INSC: variants seen among roughly 807,000 people sequenced by gnomAD.
INSC encodes INSC spindle orientation adaptor protein, also known as protein inscuteable homolog.
INSC carries 67 observed loss-of-function variants against 58.6 expected under a neutral mutation model. That is an observed-to-expected ratio of 1.14 (90% CI 0.94 to 1.40). The LOEUF (loss-of-function observed/expected upper bound fraction) is 1.40, where lower values mean the gene tolerates loss of function less well. INSC is among the 40% of genes most tolerant of loss of function. INSC has a pLI of 0.00. For synonymous variants in INSC, 262 were observed against 276.1 expected (o/e 0.95, Z 0.51); for missense variants, 714 against 692.0 (o/e 1.03, Z -0.36).
At chr11:15,151,676 G>A (rs1848655531) in intron 2 of INSC, among the ~76,000 whole-genome samples, 1 of 152,038 alleles carries the variant, frequency 6.6e-6, no homozygotes, top group Non-Finnish European at 1.5e-5. Context: ...CAGCATGTCG[G>A]GCCCAGGCTT....
intron 7 of INSC, among the ~76,000 whole-genome samples, chr11:15,204,942 A>G (rs1159517493): frequency 1.3e-5 from 2 of 152,184 alleles, no homozygotes; most frequent in African/African-American, 2.4e-5. Flanking sequence ...TAGACAGGTC[A>G]CTGCATCCAT....
At chr11:15,147,709 A>C (rs1376098289) in intron 1 of INSC, among the ~76,000 whole-genome samples, 1 of 152,212 alleles carries the variant, frequency 6.6e-6, no homozygotes, top group Non-Finnish European at 1.5e-5. Context: ...TAAGCTCCAC[A>C]GACCAAGAAA....
At chr11:15,248,548 C>T (rs75886065), downstream of INSC, among the ~76,000 whole-genome samples, 1,125 of 152,156 alleles carry the variant, frequency 7.4e-3, 10 homozygotes, top group African/African-American at 0.026. Flanking sequence ...AAACTGAGGC[C>T]GGTGTTGAGG....
At chr11:15,165,970 C>G (rs934816731) in intron 2 of INSC, among the ~76,000 whole-genome samples, 11 of 152,066 alleles carry the variant, frequency 7.2e-5, no homozygotes, top group African/African-American at 2.7e-4. Flanking sequence ...TGAAGTTGGG[C>G]TATCTTTCTT....
chr11:15,191,594 T>C (rs181794195), intron 6 of INSC, among the ~76,000 whole-genome samples: 88 of 152,298 alleles, frequency 5.8e-4, no homozygotes, highest in Non-Finnish European at 1.0e-3. Flanking sequence ...AAAGAAAAGT[T>C]TTTATTTTTT....
At chr11:15,140,597 T>G (rs1848347282) in intron 1 of INSC, among the ~76,000 whole-genome samples, 1 of 151,690 alleles carries the variant, frequency 6.6e-6, no homozygotes, top group Non-Finnish European at 1.5e-5. Flanking sequence ...TTTTTTTTTT[T>G]TCTTTTAGAG....
At chr11:15,117,342 C>G (rs917483962) in intron 1 of INSC, among the ~76,000 whole-genome samples, 5 of 152,086 alleles carry the variant, frequency 3.3e-5, no homozygotes, top group African/African-American at 9.7e-5. Flanking sequence ...TGGGTTCAAC[C>G]ATTTTTTGAG....
At chr11:15,234,352 TAA>T (rs1852039666) in intron 9 of INSC, among the ~76,000 whole-genome samples, 1 of 152,376 alleles carries the variant, frequency 6.6e-6, no homozygotes, top group East Asian at 1.9e-4. Context: ...ATTAATATGG[TAA>T]AGTTTTTCCT....
intron 1 of INSC, among the ~76,000 whole-genome samples, chr11:15,118,379 T>C (rs1847787120): frequency 1.3e-5 from 2 of 152,186 alleles, no homozygotes; most frequent in African/African-American, 4.8e-5. Context: ...AGACCACTCA[T>C]GTTTGGAAAG....
intron 2 of INSC, among the ~76,000 whole-genome samples, chr11:15,154,422 C>T (rs1195182785): frequency 6.6e-6 from 1 of 152,084 alleles, no homozygotes; most frequent in African/African-American, 2.4e-5. Flanking sequence ...AGAGATTTAT[C>T]CTGATTAATT....
rs374140597 is a variant in INSC, at chr11:15,176,010, G to A, written c.326G>A (p.Arg109His). The A allele has an allele frequency of 4.2e-5, 67 of 1,596,816 alleles. No individual in the cohort carries two copies. The highest frequency in any genetic ancestry group is 3.3e-4 in the Middle Eastern group (2 of 6,028). ...GCACGGGTGCACAGCATGAGCGTGC[G>A]TCTGACCTGCCATGCCCGCTCCATG... ...RWARVHSMSV[R>H]LTCHARSMVS... Residue 109 changes from arginine to histidine, a missense_variant, in exon 3 of 13, where the codon CGT (arginine) becomes CAT (histidine). Transcript: ENST00000379556.
Position 15,171,397 on chromosome 11 carries a change from C to T in INSC, c.57-4344C>T, listed in dbSNP as rs139606968. 1.9e-3 allele frequency among the ~76,000 whole-genome samples: 289 copies of T among 152,250 alleles called. 3 individuals are homozygous for T. The highest frequency in any genetic ancestry group is 6.2e-3 in the African/African-American group (259 of 41,544). ...GAATGGCCAGCCCCTAATCTGGCAC[C>T]GAAGGCTTCTCACAATCAGGGCCTT... On this transcript the variant is annotated intron_variant, in intron 2 of 12. Transcript: ENST00000379556.
At chr11:15,177,694 A>G (rs1041832606) in intron 4 of INSC, among the ~76,000 whole-genome samples, 5 of 152,196 alleles carry the variant, frequency 3.3e-5, no homozygotes, top group Non-Finnish European at 5.9e-5. Flanking sequence ...TCACATGTAT[A>G]CACACCCAGG....
At chr11:15,111,539 G>A (rs889843492), upstream of INSC, among the ~76,000 whole-genome samples, 2 of 152,162 alleles carry the variant, frequency 1.3e-5, no homozygotes, top group Non-Finnish European at 2.9e-5. Context: ...CCAGTCCTGA[G>A]GCGCCTACTT....
intron 9 of INSC, among the ~76,000 whole-genome samples, chr11:15,228,407 G>A (rs965408985): frequency 5.9e-5 from 9 of 152,122 alleles, no homozygotes; most frequent in South Asian, 2.1e-4. Context: ...ACCTGGAGTC[G>A]GTACCTTTTC....
intron 6 of INSC, among the ~76,000 whole-genome samples, chr11:15,194,591 C>T (rs1235331371): frequency 6.6e-6 from 1 of 152,176 alleles, no homozygotes; most frequent in Non-Finnish European, 1.5e-5. Context: ...TATGTAATAG[C>T]AATAGCTAAC....
Position 15,225,669 on chromosome 11 carries a change from A to G in INSC, c.1011A>G (p.Ser337=), listed in dbSNP as rs1851604446. Residue 337 remains serine (S), a synonymous_variant, in exon 9 of 13, where the codon TCA becomes TCG. Transcript: ENST00000379556. ...ATCCAGAACTGTGCCAAGAGGCCTC[A>G]TCAGGGGAAGTCTTCCTACTGGCCT... The part of the protein sequence containing the change: ...TALVKLCQEA[S]SGEVFLLASA... 1 of 1,614,064 alleles carries G rather than the reference A, an allele frequency of 6.2e-7. No homozygotes were observed. Among genetic ancestry groups the G allele is most frequent in the Non-Finnish European group, 8.5e-7 (1 of 1,180,028 alleles).
chr11:15,162,322 G>T (rs1271121417), intron 2 of INSC, among the ~76,000 whole-genome samples: 1 of 152,076 alleles, frequency 6.6e-6, no homozygotes, highest in Admixed American at 6.6e-5. Context: ...AACAAAGCAG[G>T]CATCTCCCTC....
intron 1 of INSC, among the ~76,000 whole-genome samples, chr11:15,132,048 C>G (rs1162181509): frequency 6.6e-6 from 1 of 151,886 alleles, no homozygotes; most frequent in African/African-American, 2.4e-5. Context: ...TTTTTTCCTC[C>G]TCTACATAGT....
Sources: gnomAD v4.1 joint callset for allele counts (sites outside exome capture counted in the v4.1 genomes callset) on GRCh38, gnomAD v4.1.1 for gene constraint, MANE v1.5 for transcripts, NCBI Gene and HGNC (gene_info 2026-07-23, HGNC 2026-07-21) for gene names.